Variants in CACNA1B observed in about 807,000 individuals in gnomAD.
CACNA1B encodes the protein voltage-dependent N-type calcium channel subunit alpha-1B.
Under a neutral mutation model 247.2 loss-of-function variants are expected in CACNA1B, and 70 were observed. The ratio of observed to expected loss-of-function variants is 0.28; its 90% CI spans 0.23 to 0.35. CACNA1B has a LOEUF of 0.35. Among genes scored for constraint, CACNA1B ranks in the 10% least tolerant of loss-of-function variants. The probability of loss-of-function intolerance (pLI) is 1.00; values close to 1 mark genes in which losing one functional copy is unlikely to be tolerated. For missense variants in CACNA1B, 2,367 were observed against 3,197.4 expected, an observed-to-expected ratio of 0.74 and a Z score of 6.26; for synonymous variants, 1,231 against 1,294.4, an observed-to-expected ratio of 0.95 and a Z score of 1.05.
rs1037796951 is a variant in CACNA1B at position 137,971,285 on chromosome 9, G to A, written c.1334-98G>A. 13 of 795,702 alleles carry A rather than the reference G, an allele frequency of 1.6e-5. No homozygotes were observed. In the East Asian group the frequency reaches 3.5e-4, roughly 21 times the overall value. The allele number at this position is 795,702 out of a possible 1,614,324, so 49.3% of individuals were successfully genotyped here. A position where few individuals can be genotyped will look rare whatever the true frequency, so the allele number is the denominator to read the frequency against. On this transcript the variant is annotated intron_variant, in intron 10 of 46. Transcript: ENST00000371372. The surrounding 1 kb of genome is among the most constrained non-coding windows in gnomAD (Gnocchi z 4.4). ...ATTGTCTGTGACCGGCTGGGGCTGGGGGCAGGTGTCCTCCAGAGTGCGTCT... is the reference window on the plus strand; with the variant it reads ...ATTGTCTGTGACCGGCTGGGGCTGGAGGCAGGTGTCCTCCAGAGTGCGTCT...
rs546199195 is a variant in CACNA1B at position 137,902,807 on chromosome 9, G to A, written c.531-10373G>A. Among the ~76,000 whole-genome samples, 18 of 152,298 alleles carry A rather than the reference G, an allele frequency of 1.2e-4. No individual in the cohort carries two copies. The South Asian group carries it at 2.9e-3, about 25-fold the overall frequency. ...GCAGGCCACCTGGTGCAGCTGTGCC[G>A]GCTGGTACAAGATGCAGGGTGAGGG... On this transcript the variant is annotated intron_variant, in intron 3 of 46. Transcript: ENST00000371372.
chr9:137,951,508 C>T (rs1957877731), intron 6 of CACNA1B, among the ~76,000 whole-genome samples: 2 of 152,194 alleles, frequency 1.3e-5, no homozygotes, highest in South Asian at 4.1e-4. Context: ...GGGCTGCCTC[C>T]CTTGGCACCC....
Position 137,973,127 on chromosome 9 carries a change from C to T in CACNA1B, c.1543+1535C>T, listed in dbSNP as rs1276553435. ...TAGGGGTAGGGCTGCACAGCCCAGT[C>T]GCGCATCTGCTGTGTGCGAGCACAG... On this transcript the variant is annotated intron_variant, in intron 11 of 46. Coordinates refer to ENST00000371372, the MANE Select transcript of CACNA1B (RefSeq NM_000718.4). The surrounding 1 kb of genome is among the most constrained non-coding windows in gnomAD (Gnocchi z 4.1). 6.6e-6 allele frequency among the ~76,000 whole-genome samples: 1 copy of T among 152,286 alleles called. No homozygotes were observed. Among genetic ancestry groups the T allele is most frequent in the South Asian group, 2.1e-4 (1 of 4,816 alleles).
intron 3 of CACNA1B, among the ~76,000 whole-genome samples, chr9:137,897,805 G>A (rs189451713): frequency 5.9e-4 from 89 of 151,708 alleles, no homozygotes; most frequent in African/African-American, 2.0e-3. Flanking sequence ...TCAGCCTCCC[G>A]AGTAGCTGGG....
intron 8 of CACNA1B, among the ~76,000 whole-genome samples, chr9:137,956,493 A>T (rs1957948850): frequency 6.6e-6 from 1 of 152,130 alleles, no homozygotes; most frequent in Non-Finnish European, 1.5e-5. Flanking sequence ...CCCCATCTCT[A>T]CTAAAAATAC....
intron 39 of CACNA1B, 141 bp from the exon 40 acceptor site, chr9:138,112,257 C>T: frequency 1.5e-6 from 1 of 646,058 alleles, no homozygotes; most frequent in Non-Finnish European, 2.8e-6. Context: ...CCCACTGCAC[C>T]CTCCTTCCAG....
At chr9:138,120,475 C>T in intron 45 of CACNA1B, 103 bp downstream of exon 45, 1 of 1,399,108 alleles carries the variant, frequency 7.1e-7, no homozygotes, top group Non-Finnish European at 9.6e-7. Context: ...GCCTCGTGAC[C>T]CCATAACCAG....
intron 20 of CACNA1B, among the ~76,000 whole-genome samples, chr9:138,028,021 A>AT: frequency 8.6e-6 from 1 of 115,876 alleles, no homozygotes; most frequent in Non-Finnish European, 1.8e-5. Context: ...CTCCCCCCCA[A>AT]CCTTTTTTTT....
chr9:138,072,357 C>T lies in CACNA1B; in HGVS notation c.4675-1131C>T, dbSNP rs1960161698. Among the ~76,000 whole-genome samples the T allele has an allele frequency of 6.6e-6, 1 of 152,234 alleles. No homozygotes were observed. The highest frequency in any genetic ancestry group is 2.4e-5 in the African/African-American group (1 of 41,468). On this transcript the variant is annotated intron_variant, in intron 32 of 46. Transcript: ENST00000371372. This position sits in a 1 kb window ranked among gnomAD's most constrained non-coding sequence, Gnocchi z 4.5. ...GAAGGAAGAGTGAGGCCCACCCCTCCACTGACACCTCATTCCCACCTAACG... is the reference window on the plus strand; with the variant it reads ...GAAGGAAGAGTGAGGCCCACCCCTCTACTGACACCTCATTCCCACCTAACG...
At chr9:138,109,637 A>G (rs1961554204) in intron 39 of CACNA1B, among the ~76,000 whole-genome samples, 1 of 152,214 alleles carries the variant, frequency 6.6e-6, no homozygotes, top group Non-Finnish European at 1.5e-5. Flanking sequence ...ATACAGTCAC[A>G]TCTGGGGCTT....
At chr9:137,922,778 C>T (rs1564190966) in intron 6 of CACNA1B, among the ~76,000 whole-genome samples, 1 of 152,062 alleles carries the variant, frequency 6.6e-6, no homozygotes, top group Non-Finnish European at 1.5e-5. Context: ...CCTTTTCTCC[C>T]AGTGGTGACA....
At chr9:138,098,638 C>T (rs1312298292) in intron 37 of CACNA1B, among the ~76,000 whole-genome samples, 1 of 152,174 alleles carries the variant, frequency 6.6e-6, no homozygotes, top group African/African-American at 2.4e-5. Context: ...GGCCAGATGG[C>T]AGCTTGGTTA....
Position 138,079,464 on chromosome 9 carries a change from C to T in CACNA1B, c.5094+1206C>T, listed in dbSNP as rs544344429. Among the ~76,000 whole-genome samples the T allele has an allele frequency of 3.3e-5, 5 of 152,172 alleles. No individual in the cohort carries two copies. In the South Asian group the frequency reaches 6.2e-4, roughly 19 times the overall value. On this transcript the variant is annotated intron_variant, in intron 36 of 46. Transcript: ENST00000371372. ...GATGACCAAGAATTGTTAACTGGGC[C>T]GGGCGTGGTGGCTCACACCTGTAAT...
chr9:137,984,697 C>T (rs1189519587), intron 13 of CACNA1B, among the ~76,000 whole-genome samples: 1 of 152,246 alleles, frequency 6.6e-6, no homozygotes, highest in African/African-American at 2.4e-5. Context: ...CTGAGCTTCT[C>T]ACTGAGCCAG....
At chr9:137,989,087 C>T (rs1958401576) in intron 15 of CACNA1B, among the ~76,000 whole-genome samples, 2 of 152,078 alleles carry the variant, frequency 1.3e-5, no homozygotes, top group African/African-American at 2.4e-5. Context: ...AGTCAGAAGG[C>T]GTAATCACTC....
rs1957868149 is a variant in CACNA1B, at chr9:137,950,667, G to A, written c.967-1607G>A. On this transcript the variant is annotated intron_variant, in intron 6 of 46. Coordinates refer to ENST00000371372, the MANE Select transcript of CACNA1B (RefSeq NM_000718.4). The surrounding 1 kb of genome is among the most constrained non-coding windows in gnomAD (Gnocchi z 4.8). The stretch of plus-strand genomic sequence containing the variant: ...TGGTTAGGGAGAGCTGGCTTTTGCT[G>A]GTACTTTTTTTGGTCGTCTGTGCCC... Among the ~76,000 whole-genome samples the A allele has an allele frequency of 6.6e-6, 1 of 152,146 alleles. No individual in the cohort carries two copies. Among genetic ancestry groups the A allele is most frequent in the South Asian group, 2.1e-4 (1 of 4,824 alleles).
chr9:138,074,793 G>T (rs1960257506), intron 34 of CACNA1B, among the ~76,000 whole-genome samples: 1 of 152,232 alleles, frequency 6.6e-6, no homozygotes, highest in Admixed American at 6.5e-5. Context: ...GCACAGCTGT[G>T]TTTGCCGAGT....
In CACNA1B at chr9:138,057,216, C is replaced by T. The variant is rs1483847041; in HGVS notation, c.3969-516C>T. Among the ~76,000 whole-genome samples the T allele has an allele frequency of 2.6e-5, 4 of 152,130 alleles. No individual in the cohort carries two copies. The highest frequency in any genetic ancestry group is 9.7e-5 in the African/African-American group (4 of 41,432). ...CCTCCCAAAGTGCTGGGATTACAGG[C>T]GTGAGCCACCGCGCCCGGCCTTTTT... On this transcript the variant is annotated intron_variant, in intron 26 of 46. Transcript: ENST00000371372. The surrounding 1 kb of genome is among the most constrained non-coding windows in gnomAD (Gnocchi z 4.0).
intron 20 of CACNA1B, among the ~76,000 whole-genome samples, chr9:138,042,061 A>C (rs1193952959): frequency 6.6e-6 from 1 of 152,136 alleles, no homozygotes; most frequent in Admixed American, 6.5e-5. Context: ...ATGAGCCACC[A>C]CACACAGCTG....
Sources: allele counts gnomAD v4.1 joint callset (sites outside exome capture counted in the v4.1 genomes callset), GRCh38; gene constraint gnomAD v4.1.1; non-coding constraint Gnocchi (gnomAD v3.1); transcripts MANE v1.5; gene names NCBI Gene and HGNC (gene_info 2026-07-23, HGNC 2026-07-21).